The following MVB12B variants were observed in gnomAD, a reference collection of about 807,000 sequenced individuals.
MVB12B encodes ESCRT-I complex subunit MVB12B.
In MVB12B, 16 loss-of-function variants were observed where a neutral mutation model predicts 41.6. That is an observed-to-expected ratio of 0.38 (90% CI 0.26 to 0.58). The LOEUF is 0.58. Ranked by LOEUF, MVB12B falls within the 20% of genes least tolerant of loss-of-function variation. The pLI is 0.62. For missense variants in MVB12B, 274 were observed against 380.2 expected (o/e 0.72, Z 2.32); for synonymous variants, 133 against 139.7 (o/e 0.95, Z 0.34).
intron 9 of MVB12B, among the ~76,000 whole-genome samples, chr9:126,492,466 C>T (rs980349379): frequency 6.6e-6 from 1 of 152,060 alleles, no homozygotes. Context: ...ACCAGTGGTG[C>T]CTGAGGGGAC....
chr9:126,502,789 C>T (rs771752694), intron 9 of MVB12B, among the ~76,000 whole-genome samples: 2 of 152,246 alleles, frequency 1.3e-5, no homozygotes, highest in Non-Finnish European at 2.9e-5. Context: ...AGAATCTACC[C>T]TCACCAGCAG....
At chr9:126,498,786 G>T (rs1482418047) in intron 9 of MVB12B, among the ~76,000 whole-genome samples, 1 of 152,232 alleles carries the variant, frequency 6.6e-6, no homozygotes, top group Non-Finnish European at 1.5e-5. Context: ...GCCCTCTAGA[G>T]TGTTTAGTAT....
chr9:126,397,694 CA>C, intron 6 of MVB12B: 1 of 967,336 alleles, frequency 1.0e-6, no homozygotes, highest in Non-Finnish European at 1.2e-6. Flanking sequence ...CCTCATCCAT[CA>C]GGGTTTTTTG....
intron 7 of MVB12B, among the ~76,000 whole-genome samples, chr9:126,453,800 G>A (rs899278520): frequency 4.6e-5 from 7 of 152,124 alleles, no homozygotes; most frequent in African/African-American, 1.2e-4. Context: ...CACATGACAC[G>A]TGTGCATGCT....
chr9:126,403,855 G>A (rs16928975), intron 6 of MVB12B, among the ~76,000 whole-genome samples: 18,895 of 151,724 alleles, frequency 0.12, 1,572 homozygotes, highest in East Asian at 0.38. Flanking sequence ...TTTATGCATC[G>A]CCCTTCCATC....
Position 126,503,803 on chromosome 9 carries a change from A to G in MVB12B, c.*540A>G. 1 of 154,108 alleles carries G rather than the reference A, an allele frequency of 6.5e-6. No individual in the cohort carries two copies. Among genetic ancestry groups the G allele is most frequent in the Middle Eastern group, 3.2e-3 (1 of 310 alleles). The allele number at this position is 154,108 out of a possible 1,614,324, so 9.5% of individuals were successfully genotyped here. A position where few individuals can be genotyped will look rare whatever the true frequency, so the allele number is the denominator to read the frequency against. On this transcript the variant is annotated 3_prime_UTR_variant, in exon 10 of 10. Transcript: ENST00000361171. ...GATCTCACAGCAGCCCTGAGAAGAC[A>G]TGGGAGGAAGAAGCCAGTGGCCCTG...
At chr9:126,373,285 A>G (rs1282850392) in intron 2 of MVB12B, among the ~76,000 whole-genome samples, 1 of 152,240 alleles carries the variant, frequency 6.6e-6, no homozygotes, top group African/African-American at 2.4e-5. Context: ...CATCTTGAGC[A>G]CACCACCTGT....
At chr9:126,415,874 C>T (rs139086620) in intron 6 of MVB12B, among the ~76,000 whole-genome samples, 109 of 152,154 alleles carry the variant, frequency 7.2e-4, no homozygotes, top group Middle Eastern at 3.4e-3. Context: ...AAGAGTGTGG[C>T]GGGGTGCCTC....
intron 7 of MVB12B, among the ~76,000 whole-genome samples, chr9:126,453,302 G>A (rs1021761648): frequency 2.6e-5 from 4 of 152,202 alleles, no homozygotes; most frequent in Non-Finnish European, 2.9e-5. Flanking sequence ...TGTCAACTGG[G>A]TGAGCAAGCA....
chr9:126,408,320 C>G (rs917765223), intron 6 of MVB12B: 3 of 152,208 alleles, frequency 2.0e-5, no homozygotes, highest in Admixed American at 6.5e-5. Context: ...GAGTTTGTAA[C>G]TACATCACTC....
intron 7 of MVB12B, among the ~76,000 whole-genome samples, chr9:126,443,451 CCAAA>C (rs1012173179): frequency 8.5e-5 from 13 of 152,152 alleles, no homozygotes; most frequent in African/African-American, 2.7e-4. Flanking sequence ...TGTTCCTAGA[CCAAA>C]CAGTTCATTG....
At chr9:126,375,202 G>A (rs1830444894) in intron 2 of MVB12B, among the ~76,000 whole-genome samples, 1 of 152,084 alleles carries the variant, frequency 6.6e-6, no homozygotes, top group South Asian at 2.1e-4. Flanking sequence ...GAATACCACT[G>A]AATCAAGTAA....
At chr9:126,443,614 G>A (rs1334901002) in intron 7 of MVB12B, among the ~76,000 whole-genome samples, 1 of 152,198 alleles carries the variant, frequency 6.6e-6, no homozygotes, top group Non-Finnish European at 1.5e-5. Flanking sequence ...CAGAGAAACA[G>A]TATTTCAGTG....
intron 7 of MVB12B, among the ~76,000 whole-genome samples, chr9:126,471,845 T>C (rs1436814836): frequency 6.6e-6 from 1 of 152,176 alleles, no homozygotes; most frequent in South Asian, 2.1e-4. Context: ...CGAAAATGAC[T>C]ACCTGCCAAT....
chr9:126,450,627 A>G (rs1236895802), intron 7 of MVB12B, among the ~76,000 whole-genome samples: 1 of 152,216 alleles, frequency 6.6e-6, no homozygotes, highest in Non-Finnish European at 1.5e-5. Flanking sequence ...TGGGAAATTA[A>G]TAACACTCAC....
intron 6 of MVB12B, among the ~76,000 whole-genome samples, chr9:126,407,616 A>G (rs1588146264): frequency 6.6e-6 from 1 of 151,506 alleles, no homozygotes; most frequent in East Asian, 1.9e-4. Flanking sequence ...GATTGAGACT[A>G]CCCCACCCCC....
intron 6 of MVB12B, among the ~76,000 whole-genome samples, chr9:126,400,164 C>T (rs1299983985): frequency 6.6e-6 from 1 of 152,148 alleles, no homozygotes; most frequent in African/African-American, 2.4e-5. Flanking sequence ...CAGTTTGGAG[C>T]TGAGTAGAGA....
chr9:126,432,903 G>A (rs1832366417), intron 7 of MVB12B, among the ~76,000 whole-genome samples: 1 of 152,200 alleles, frequency 6.6e-6, no homozygotes, highest in African/African-American at 2.4e-5. Context: ...GGTGTACTGG[G>A]CCTCAGCACT....
At chr9:126,417,134 G>A (rs1416259212) in intron 6 of MVB12B, among the ~76,000 whole-genome samples, 2 of 152,176 alleles carry the variant, frequency 1.3e-5, no homozygotes, top group Non-Finnish European at 2.9e-5. Context: ...ATGTAGGGAG[G>A]AGCCCTTCTC....
Sources: allele counts gnomAD v4.1 joint callset (sites outside exome capture counted in the v4.1 genomes callset), GRCh38; gene constraint gnomAD v4.1.1; transcripts MANE v1.5; gene names NCBI Gene and HGNC (gene_info 2026-07-23, HGNC 2026-07-21).